Variants in CNTN1 observed in about 807,000 individuals in gnomAD.
The protein encoded by CNTN1 is contactin 1, also known as contactin-1.
CNTN1 carries 38 observed loss-of-function variants against 126.4 expected under a neutral mutation model. The observed-to-expected ratio is 0.30, with a 90% confidence interval of 0.23 to 0.39. The LOEUF is 0.39. Ranked by LOEUF, CNTN1 falls within the 10% of genes least tolerant of loss-of-function variation. The probability of loss-of-function intolerance (pLI) is 1.00; values close to 1 mark genes in which losing one functional copy is unlikely to be tolerated. For missense variants in CNTN1, 1,009 were observed against 1,248.4 expected (o/e 0.81, Z 2.89); for synonymous variants, 413 against 422.6 (o/e 0.98, Z 0.28).
intron 23 of CNTN1, among the ~76,000 whole-genome samples, chr12:41,069,591 C>T (rs748987408): frequency 6.6e-6 from 1 of 151,774 alleles, no homozygotes; most frequent in Non-Finnish European, 1.5e-5. Flanking sequence ...CCCCACTCCC[C>T]CCACCCCACA....
At chr12:40,836,867 T>C (rs1381551824) in intron 1 of CNTN1, among the ~76,000 whole-genome samples, 1 of 152,216 alleles carries the variant, frequency 6.6e-6, no homozygotes, top group African/African-American at 2.4e-5. Context: ...TCCAGAACAC[T>C]ATGATATCCT....
chr12:40,821,957 T>C (rs1941452206), intron 1 of CNTN1, among the ~76,000 whole-genome samples: 1 of 150,668 alleles, frequency 6.6e-6, no homozygotes, highest in Admixed American at 6.6e-5. Flanking sequence ...TTAGATAGTA[T>C]TCAAAAACAA....
intron 16 of CNTN1, among the ~76,000 whole-genome samples, chr12:40,992,878 C>A (rs1053238870): frequency 6.6e-6 from 1 of 152,130 alleles, no homozygotes; most frequent in African/African-American, 2.4e-5. Context: ...ATTGCAGACT[C>A]CCTGCCTCAA....
intron 1 of CNTN1, among the ~76,000 whole-genome samples, chr12:40,905,978 C>T (rs564666098): frequency 4.7e-4 from 71 of 152,236 alleles, no homozygotes; most frequent in African/African-American, 1.7e-3. Context: ...TTTTCCTGTC[C>T]TCTAAAAGAA....
chr12:40,734,386 G>T (rs1016002408), intron 1 of CNTN1, among the ~76,000 whole-genome samples: 1 of 152,084 alleles, frequency 6.6e-6, no homozygotes, highest in African/African-American at 2.4e-5. Context: ...TAAGTGGTGA[G>T]ATTCAATGTA....
At chr12:41,006,124 G>A (rs187149892) in intron 17 of CNTN1, among the ~76,000 whole-genome samples, 1 of 152,092 alleles carries the variant, frequency 6.6e-6, no homozygotes, top group South Asian at 2.1e-4. Context: ...GACCTTGAGG[G>A]TTTGATTGTG....
chr12:40,820,201 C>G (rs751781244), intron 1 of CNTN1, among the ~76,000 whole-genome samples: 2 of 152,082 alleles, frequency 1.3e-5, no homozygotes, highest in Non-Finnish European at 2.9e-5. Context: ...GAGGAAGTAC[C>G]AGGCTCTTTT....
chr12:40,729,027 G>A (rs902873455), intron 1 of CNTN1: 4 of 153,668 alleles, frequency 2.6e-5, no homozygotes, highest in Admixed American at 1.3e-4. Flanking sequence ...CTGACCCGTG[G>A]GCCAGTGTTA....
At chr12:40,831,181 TTTAC>T (rs1469486748) in intron 1 of CNTN1, among the ~76,000 whole-genome samples, 1 of 147,370 alleles carries the variant, frequency 6.8e-6, no homozygotes, top group Non-Finnish European at 1.5e-5. Context: ...AGTATATATA[TTTAC>T]TTATAGTATA....
At chr12:41,017,441 G>A in intron 19 of CNTN1, among the ~76,000 whole-genome samples, 1 of 150,496 alleles carries the variant, frequency 6.6e-6, no homozygotes, top group Non-Finnish European at 1.5e-5. Context: ...TTGTAAAATG[G>A]CCCCAAATTC....
chr12:41,033,882 CAA>C (rs34710701), intron 23 of CNTN1, among the ~76,000 whole-genome samples: 253 of 103,180 alleles, frequency 2.5e-3, no homozygotes, highest in African/African-American at 2.5e-3. Flanking sequence ...ACTAAAAATA[CAA>C]AAAAAAAAAA....
intron 1 of CNTN1, among the ~76,000 whole-genome samples, chr12:40,716,659 T>C (rs963092846): frequency 6.6e-6 from 1 of 152,190 alleles, no homozygotes; most frequent in Admixed American, 6.5e-5. Flanking sequence ...GGAAGATACA[T>C]AGATAGTTTA....
At chr12:40,748,543 C>A (rs796546112) in intron 1 of CNTN1, among the ~76,000 whole-genome samples, 1 of 152,050 alleles carries the variant, frequency 6.6e-6, no homozygotes, top group Non-Finnish European at 1.5e-5. Flanking sequence ...TATTTCCTTG[C>A]TGAAATAGTT....
At chr12:41,058,992 G>A (rs1459231085) in intron 23 of CNTN1, among the ~76,000 whole-genome samples, 1 of 152,034 alleles carries the variant, frequency 6.6e-6, no homozygotes, top group African/African-American at 2.4e-5. Context: ...AGAACTTCAT[G>A]TGCATATAGC....
At chr12:40,963,029 GGCAAAA>G (rs1254285780) in intron 15 of CNTN1, among the ~76,000 whole-genome samples, 2 of 151,954 alleles carry the variant, frequency 1.3e-5, no homozygotes, top group Non-Finnish European at 2.9e-5. Context: ...TCACAACCCT[GGCAAAA>G]GCAGATTATC....
rs149344727 is a variant in CNTN1, at chr12:40,820,721, C to A, written c.-76-87636C>A. Reference sequence around the variant, plus strand: ...CCTCAGTGGTGAAAGTTACCAGTGTCCCTTGCAGAGAAGATTCACGGGAAA... The same window carrying A: ...CCTCAGTGGTGAAAGTTACCAGTGTACCTTGCAGAGAAGATTCACGGGAAA... On this transcript the variant is annotated intron_variant, in intron 1 of 23. Coordinates refer to ENST00000551295, the MANE Select transcript of CNTN1 (RefSeq NM_001843.4). Among the ~76,000 whole-genome samples, 233 of 152,242 alleles carry A rather than the reference C, an allele frequency of 1.5e-3. 2 individuals are homozygous for A. The highest frequency in any genetic ancestry group is 5.4e-3 in the African/African-American group (224 of 41,554).
intron 1 of CNTN1, among the ~76,000 whole-genome samples, chr12:40,730,263 C>G (rs1942459167): frequency 6.6e-6 from 1 of 152,208 alleles, no homozygotes; most frequent in African/African-American, 2.4e-5. Context: ...CTATGCCAAA[C>G]CGCTAGTTGG....
chr12:40,816,164 T>A (rs529237294), intron 1 of CNTN1, among the ~76,000 whole-genome samples: 1 of 152,252 alleles, frequency 6.6e-6, no homozygotes, highest in African/African-American at 2.4e-5. Flanking sequence ...GCTGGCTTCA[T>A]AAAATGAGTT....
At chr12:40,947,236 A>G (rs1002696237) in intron 14 of CNTN1, among the ~76,000 whole-genome samples, 2 of 152,076 alleles carry the variant, frequency 1.3e-5, no homozygotes, top group African/African-American at 2.4e-5. Flanking sequence ...TTAATATGTA[A>G]TAATTGTCAG....
Sources: gnomAD v4.1 joint callset for allele counts (sites outside exome capture counted in the v4.1 genomes callset) on GRCh38, gnomAD v4.1.1 for gene constraint, MANE v1.5 for transcripts, NCBI Gene and HGNC (gene_info 2026-07-23, HGNC 2026-07-21) for gene names.